UIMC1: variants seen among roughly 807,000 people sequenced by gnomAD.
UIMC1 encodes the protein ubiquitin interaction motif containing 1.
In UIMC1, 42 loss-of-function variants were observed where a neutral mutation model predicts 84.9. That is an observed-to-expected ratio of 0.49 (90% confidence interval 0.39 to 0.64). UIMC1 has a LOEUF of 0.64. Ranked by LOEUF, UIMC1 falls within the 30% of genes least tolerant of loss-of-function variation. The pLI is 0.00. For synonymous variants in UIMC1, 281 were observed against 293.0 expected (o/e 0.96, Z 0.42); for missense variants, 825 against 847.6 (o/e 0.97, Z 0.33).
At chr5:177,005,735 GA>G (rs1775159955) in intron 1 of UIMC1, among the ~76,000 whole-genome samples, 1 of 151,914 alleles carries the variant, frequency 6.6e-6, no homozygotes, top group African/African-American at 2.4e-5. Context: ...AATAAAGACA[GA>G]AGCATAAACT....
At position 176,969,169 on chromosome 5, in the gene UIMC1, C is replaced by T. The variant is rs756076896; in HGVS notation, c.586G>A (p.Gly196Ser). The T allele has an allele frequency of 1.2e-6, 2 of 1,614,080 alleles. No homozygotes were observed. Among genetic ancestry groups the T allele is most frequent in the African/African-American group, 2.7e-5 (2 of 74,938 alleles). ...GACTGGTCCCAGCTTCCTGAGCTGC[C>T]AGAGACCGGCTCCTCTTCAGTTTTT... ...TEKTEEEPVS[G>S]SSGSWDQSSQ... Residue 196 changes from glycine to serine, a missense_variant, in exon 6 of 15, where the codon GGC becomes AGC. Gly to Ser is a moderately conservative substitution (Grantham distance 56, BLOSUM62 0). Coordinates refer to ENST00000511320, the MANE Select transcript of UIMC1 (RefSeq NM_001199298.2).
At chr5:177,004,802 T>C (rs1775028808) in intron 1 of UIMC1, among the ~76,000 whole-genome samples, 1 of 152,236 alleles carries the variant, frequency 6.6e-6, no homozygotes, top group South Asian at 2.1e-4. Context: ...CTTGACAGTC[T>C]GGGTACCAAA....
chr5:177,000,299 T>C (rs1202128558), intron 1 of UIMC1, among the ~76,000 whole-genome samples: 2 of 152,010 alleles, frequency 1.3e-5, no homozygotes, highest in East Asian at 1.9e-4. Flanking sequence ...TCCATAGTGC[T>C]GGTACTAGTT....
chr5:176,969,586 A>T lies in UIMC1; in HGVS notation c.463+15T>A. 1 of 1,611,950 alleles carries T rather than the reference A, an allele frequency of 6.2e-7. No individual in the cohort carries two copies. ...ATACTTGATGAATGGAAGGAGTCAGAACAGGGAGACATGCCTTCAGTGAGC... is the reference window on the plus strand; with the variant it reads ...ATACTTGATGAATGGAAGGAGTCAGTACAGGGAGACATGCCTTCAGTGAGC... On this transcript the variant is annotated intron_variant, in intron 5 of 14. Transcript: ENST00000511320.
intron 10 of UIMC1, among the ~76,000 whole-genome samples, chr5:176,927,712 A>G (rs568483750): frequency 6.6e-6 from 1 of 152,168 alleles, no homozygotes; most frequent in South Asian, 2.1e-4. Context: ...AACCCTAGTT[A>G]ACTACAGAGG....
intron 6 of UIMC1, among the ~76,000 whole-genome samples, chr5:176,967,170 C>T (rs554630780): frequency 2.0e-5 from 3 of 152,062 alleles, no homozygotes; most frequent in African/African-American, 4.8e-5. Flanking sequence ...CCACCAATTA[C>T]AGCTACAGAA....
chr5:177,008,942 C>T (rs1775485830), upstream of UIMC1, among the ~76,000 whole-genome samples: 1 of 152,002 alleles, frequency 6.6e-6, no homozygotes, highest in Non-Finnish European at 1.5e-5. Context: ...TTAGGAGAGA[C>T]CTTAAGCCAA....
At position 176,969,287 on chromosome 5, in the gene UIMC1, T is replaced by C; in HGVS notation, c.468A>G (p.Ile156Met). ...ACAGTGATGGAGGTACCAGCTGCCA[T>C]ATGCCTGTAGGTATTTGAGAAAAAG... ...KTTDSGLTEG[I>M]WQLVPPSLFK... is the part of the protein sequence containing the mutation. Residue 156 changes from isoleucine (I) to methionine (M), a missense_variant, in exon 6 of 15, where the codon ATA (isoleucine) becomes ATG (methionine). By Grantham distance (10) the Ile-to-Met change is conservative. Transcript: ENST00000511320. 1 of 1,610,712 alleles carries C rather than the reference T, an allele frequency of 6.2e-7. No homozygotes were observed. The highest frequency in any genetic ancestry group is 8.5e-7 in the Non-Finnish European group (1 of 1,178,596).
rs150008879 is a variant in UIMC1, at chr5:176,985,118, T to G, written c.-8-2495A>C. On this transcript the variant is annotated intron_variant, in intron 1 of 14. Coordinates refer to ENST00000511320, the MANE Select transcript of UIMC1 (RefSeq NM_001199298.2). The stretch of plus-strand genomic sequence containing the variant: ...ACAAAAAATAAAAATATAGAGGAAT[T>G]TTTTTTAGAAAAATATAGGGAAAAA... Among the ~76,000 whole-genome samples the G allele has an allele frequency of 9.1e-3, 1,384 of 152,206 alleles. 8 individuals are homozygous for G. Among genetic ancestry groups the G allele is most frequent in the South Asian group, 0.025 (120 of 4,826 alleles).
At chr5:176,917,275 T>C (rs974208606) in intron 10 of UIMC1, among the ~76,000 whole-genome samples, 2 of 152,198 alleles carry the variant, frequency 1.3e-5, no homozygotes, top group African/African-American at 4.8e-5. Flanking sequence ...AAGGCTATTA[T>C]TAGAACAAAC....
intron 5 of UIMC1, 52 bp downstream of exon 5, chr5:176,969,549 T>A (rs771485142): frequency 6.4e-7 from 1 of 1,563,012 alleles, no homozygotes; most frequent in Non-Finnish European, 8.8e-7. Context: ...ATGAGATCCC[T>A]GTGGTACAGT....
At chr5:177,016,552 G>A (rs923067389) in intron 1 of UIMC1, among the ~76,000 whole-genome samples, 1 of 150,092 alleles carries the variant, frequency 6.7e-6, no homozygotes, top group African/African-American at 2.5e-5. Flanking sequence ...TTAGCTGGGT[G>A]TGGTGGCACG....
At chr5:176,960,346 T>C (rs1465195380) in intron 6 of UIMC1, among the ~76,000 whole-genome samples, 1 of 152,224 alleles carries the variant, frequency 6.6e-6, no homozygotes, top group African/African-American at 2.4e-5. Context: ...ATTATTTTAA[T>C]TTAGAAATTT....
At position 176,911,667 on chromosome 5, in the gene UIMC1, T is replaced by C. The variant is rs1760236029; in HGVS notation, c.1598-278A>G. Among the ~76,000 whole-genome samples the C allele has an allele frequency of 3.3e-5, 5 of 152,234 alleles. No homozygotes were observed. In the South Asian group the frequency reaches 1.0e-3, roughly 32 times the overall value. The stretch of plus-strand genomic sequence containing the variant: ...TCTACTCCACACCAAGAAAAGGTTT[T>C]TGTGTACTATCCCAGCTTGCAGCAC... On this transcript the variant is annotated intron_variant, in intron 10 of 14. Transcript: ENST00000511320.
chr5:176,978,428 GATT>G (rs1250614946), intron 2 of UIMC1, among the ~76,000 whole-genome samples: 1 of 152,052 alleles, frequency 6.6e-6, no homozygotes, highest in Non-Finnish European at 1.5e-5. Context: ...TTTTATGGGA[GATT>G]TTTAGGAAAC....
intron 2 of UIMC1, chr5:176,979,974 C>T (rs1770765186): frequency 1.3e-5 from 2 of 152,136 alleles, no homozygotes. Flanking sequence ...ATCCAACTGG[C>T]TGGGGGGCTA....
chr5:177,003,719 G>C (rs1485467925), intron 1 of UIMC1, among the ~76,000 whole-genome samples: 2 of 152,140 alleles, frequency 1.3e-5, no homozygotes, highest in African/African-American at 2.4e-5. Flanking sequence ...AGTATAGCAT[G>C]AGTAGTACTT....
chr5:176,986,190 T>C (rs1771957730), intron 1 of UIMC1, among the ~76,000 whole-genome samples: 1 of 150,634 alleles, frequency 6.6e-6, no homozygotes, highest in Non-Finnish European at 1.5e-5. Flanking sequence ...TAAAACCCCA[T>C]CTCCACTAAA....
chr5:176,916,233 CCA>C (rs1760966297), intron 10 of UIMC1, among the ~76,000 whole-genome samples: 1 of 152,116 alleles, frequency 6.6e-6, no homozygotes, highest in Non-Finnish European at 1.5e-5. Flanking sequence ...ATGACAGCAG[CCA>C]CAGATTTCAA....
Sources: gnomAD v4.1 joint callset for allele counts (sites outside exome capture counted in the v4.1 genomes callset) on GRCh38, gnomAD v4.1.1 for gene constraint, MANE v1.5 for transcripts, NCBI Gene and HGNC (gene_info 2026-07-23, HGNC 2026-07-21) for gene names.